The following JDP2 variants were observed in gnomAD, a reference collection of about 807,000 sequenced individuals.
JDP2 encodes the protein Jun dimerization protein 2, also known as progesterone receptor co-activator.
JDP2 carries 9 observed loss-of-function variants against 17.1 expected under a neutral mutation model. The observed-to-expected ratio is 0.53, with a 90% CI of 0.32 to 0.92. The LOEUF is 0.92. JDP2 is among the 40% of genes least tolerant of loss of function. JDP2 has a pLI of 0.04. For synonymous variants in JDP2, 107 were observed against 95.6 expected (o/e 1.12, Z -0.69); for missense variants, 179 against 220.0 (o/e 0.81, Z 1.18).
chr14:75,450,273 AG>A (rs912556891), intron 2 of JDP2, among the ~76,000 whole-genome samples: 39 of 152,196 alleles, frequency 2.6e-4, no homozygotes, highest in Non-Finnish European at 2.4e-4. Context: ...GTAGCCTTCC[AG>A]TTGGTCCTGT....
chr14:75,445,245 C>A (rs1190861637), intron 2 of JDP2: 8 of 985,318 alleles, frequency 8.1e-6, no homozygotes, highest in African/African-American at 1.7e-5. Flanking sequence ...GCATGGAGAT[C>A]TAGAGGAACT....
rs748749062 is a variant in JDP2, at chr14:75,438,004, G to C, written c.84G>C (p.Ser28=). ...GLGPLTGLPS[S]ALTVEELKYA... ...GCCCCCTGACCGGGCTCCCCAGCTC[G>C]GCCCTGACTGTGGAGGAGCTGAAAT... is the stretch of plus-strand genomic sequence containing the variant. Residue 28 remains serine, a synonymous_variant, in exon 2 of 4, where the codon TCG becomes TCC. Transcript: ENST00000651602. 1 of 1,613,698 alleles carries C rather than the reference G, an allele frequency of 6.2e-7. No homozygotes were observed. The highest frequency in any genetic ancestry group is 1.7e-5 in the Admixed American group (1 of 59,972).
chr14:75,429,154 G>A (rs1489725274), intron 1 of JDP2, among the ~76,000 whole-genome samples: 1 of 152,138 alleles, frequency 6.6e-6, no homozygotes, highest in Non-Finnish European at 1.5e-5. Flanking sequence ...GGGGAAGATG[G>A]GGAGGTCCTG....
At chr14:75,444,634 C>T (rs1473264792) in intron 2 of JDP2, among the ~76,000 whole-genome samples, 1 of 152,218 alleles carries the variant, frequency 6.6e-6, no homozygotes, top group Non-Finnish European at 1.5e-5. Context: ...ACATACTGCA[C>T]ATGGTGACTG....
At chr14:75,456,654 TG>T (rs1445461268) in intron 2 of JDP2, among the ~76,000 whole-genome samples, 1 of 152,204 alleles carries the variant, frequency 6.6e-6, no homozygotes, top group Non-Finnish European at 1.5e-5. Context: ...ACGTGGTCTC[TG>T]GTCTCTGCTC....
At chr14:75,434,253 A>G (rs1884955644) in intron 1 of JDP2, among the ~76,000 whole-genome samples, 1 of 152,156 alleles carries the variant, frequency 6.6e-6, no homozygotes, top group African/African-American at 2.4e-5. Flanking sequence ...TTTGCAGTTA[A>G]TGAGGATCCA....
intron 3 of JDP2, among the ~76,000 whole-genome samples, chr14:75,467,603 AC>A (rs973689875): frequency 5.9e-5 from 9 of 152,014 alleles, no homozygotes; most frequent in Non-Finnish European, 1.2e-4. Flanking sequence ...GGCTGGGGAG[AC>A]CGTGATGGTC....
rs1885137700 is a variant in JDP2 at position 75,437,792 on chromosome 14, G to C, written c.-23-106G>C. On this transcript the variant is annotated intron_variant, in intron 1 of 3. Transcript: ENST00000651602. The stretch of plus-strand genomic sequence containing the variant: ...GCAGCTGGGTGGGAAAGGGATTCAG[G>C]GGAACATTGGTGAAAGAAGCCACAG... The C allele has an allele frequency of 4.2e-6, 3 of 719,522 alleles. No homozygotes were observed. The Admixed American group carries it at 8.9e-5, about 21-fold the overall frequency. 44.6% of individuals were successfully genotyped at this position (719,522 alleles called of 1,614,324 possible). A position where few individuals can be genotyped will look rare whatever the true frequency, so the allele number is the denominator to read the frequency against.
rs996936040 is a variant in JDP2, at chr14:75,428,076, GGCGGCGGCGGACGCTGCA to G, written c.-189_-172del. On this transcript the variant is annotated 5_prime_UTR_variant, in exon 1 of 4. Coordinates refer to ENST00000651602, the MANE Select transcript of JDP2 (RefSeq NM_001135048.2). The surrounding 1 kb of genome is among the most constrained non-coding windows in gnomAD (Gnocchi z 5.6). ...CTCGGCGGCCGCGACGGGGGGCGCT[GGCGGCGGCGGACGCTGCA>G]GCGGCGGCGGGGCTGGCGCCGCGGC... is the stretch of plus-strand genomic sequence containing the variant. 2 of 148,140 alleles carry G rather than the reference GGCGGCGGCGGACGCTGCA, an allele frequency of 1.4e-5. No homozygotes were observed. The highest frequency in any genetic ancestry group is 6.7e-5 in the Admixed American group (1 of 14,908). 9.2% of individuals were successfully genotyped at this position (148,140 alleles called of 1,614,324 possible).
chr14:75,439,365 A>AC (rs1024146969), intron 2 of JDP2, among the ~76,000 whole-genome samples: 1 of 152,070 alleles, frequency 6.6e-6, no homozygotes, highest in Non-Finnish European at 1.5e-5. Context: ...AGAAACGCGA[A>AC]CCCCCATTTC....
At chr14:75,452,746 C>G (rs1885920431) in intron 2 of JDP2, among the ~76,000 whole-genome samples, 1 of 152,212 alleles carries the variant, frequency 6.6e-6, no homozygotes, top group Non-Finnish European at 1.5e-5. Context: ...GTGGCCACCG[C>G]CCCATCCAGC....
chr14:75,459,681 C>T (rs1272222998), intron 2 of JDP2, among the ~76,000 whole-genome samples: 5 of 152,238 alleles, frequency 3.3e-5, no homozygotes, highest in African/African-American at 7.2e-5. Context: ...ACACCCTCCT[C>T]CCTGGCTGGA....
intron 3 of JDP2, among the ~76,000 whole-genome samples, chr14:75,467,664 AG>A (rs1886624334): frequency 6.6e-6 from 1 of 152,112 alleles, no homozygotes; most frequent in Admixed American, 6.5e-5. Flanking sequence ...ACCAGTGAGC[AG>A]GGGGCTGACA....
chr14:75,438,173 C>A, intron 2 of JDP2, 52 bp downstream of exon 2: 1 of 1,382,626 alleles, frequency 7.2e-7, no homozygotes, highest in Non-Finnish European at 1.0e-6. Flanking sequence ...TTAAACCCAC[C>A]ATGGGACCTT....
intron 3 of JDP2, among the ~76,000 whole-genome samples, 184 bp from the exon 4 acceptor site, chr14:75,469,106 C>T (rs1413337826): frequency 1.3e-5 from 2 of 152,254 alleles, no homozygotes; most frequent in Admixed American, 6.5e-5. Flanking sequence ...CCAGTGTCAC[C>T]GCTGTGGCAG....
chr14:75,457,730 G>A (rs1886175828), intron 2 of JDP2, among the ~76,000 whole-genome samples: 1 of 152,244 alleles, frequency 6.6e-6, no homozygotes, highest in South Asian at 2.1e-4. Context: ...TAGGGCTCAT[G>A]CAGACTTGCC....
chr14:75,435,582 C>G (rs1168283514), intron 1 of JDP2, among the ~76,000 whole-genome samples: 4 of 152,194 alleles, frequency 2.6e-5, no homozygotes, highest in Admixed American at 2.6e-4. Context: ...AACCCTGGGA[C>G]CAGGAGTCGA....
In JDP2 at chr14:75,473,836, T is replaced by A. The variant is rs559903323; in HGVS notation, c.*4361T>A. 6.6e-6 allele frequency: 1 copy of A among 152,330 alleles called. No homozygotes were observed. Among genetic ancestry groups the A allele is most frequent in the African/African-American group, 2.4e-5 (1 of 41,566 alleles). The allele number at this position is 152,330 out of a possible 1,614,324, so 9.4% of individuals were successfully genotyped here. ...AGAGGTATAAAAGCCTGCACAAGAA[T>A]GCTGTCAATATCACAATCAGTCATA... is the stretch of plus-strand genomic sequence containing the variant. On this transcript the variant is annotated 3_prime_UTR_variant, in exon 4 of 4. Coordinates refer to ENST00000651602, the MANE Select transcript of JDP2 (RefSeq NM_001135048.2).
intron 3 of JDP2, 110 bp downstream of exon 3, chr14:75,461,640 C>A: frequency 1.2e-6 from 1 of 839,846 alleles, no homozygotes; most frequent in Non-Finnish European, 1.9e-6. Flanking sequence ...CATCTGCTGG[C>A]AGCTGCCAAA....
Sources: allele counts gnomAD v4.1 joint callset (sites outside exome capture counted in the v4.1 genomes callset), GRCh38; gene constraint gnomAD v4.1.1; non-coding constraint Gnocchi (gnomAD v3.1); transcripts MANE v1.5; gene names NCBI Gene and HGNC (gene_info 2026-07-23, HGNC 2026-07-21).